The following KCNS3 variants were observed in gnomAD, a reference collection of about 807,000 sequenced individuals.
KCNS3 encodes delayed-rectifier potassium channel regulatory subunit KCNS3.
KCNS3 carries 13 observed loss-of-function variants against 31.0 expected under a neutral mutation model. That is an observed-to-expected ratio of 0.42 (90% CI 0.27 to 0.67). KCNS3 has a LOEUF of 0.67. Among genes scored for constraint, KCNS3 ranks in the 30% least tolerant of loss-of-function variants. The probability of loss-of-function intolerance (pLI) is 0.25; values close to 1 mark genes in which losing one functional copy is unlikely to be tolerated. For synonymous variants in KCNS3, 238 were observed against 241.5 expected, an observed-to-expected ratio of 0.99 and a Z score of 0.13; for missense variants, 545 against 622.4, an observed-to-expected ratio of 0.88 and a Z score of 1.32.
chr2:17,924,067 G>A (rs1662781094), intron 2 of KCNS3, among the ~76,000 whole-genome samples: 1 of 151,424 alleles, frequency 6.6e-6, no homozygotes, highest in Admixed American at 6.6e-5. Flanking sequence ...TCATTTTACA[G>A]GTTTATGCCA....
At chr2:17,921,799 G>T (rs1662710894) in intron 2 of KCNS3, among the ~76,000 whole-genome samples, 1 of 150,914 alleles carries the variant, frequency 6.6e-6, no homozygotes, top group African/African-American at 2.4e-5. Flanking sequence ...CTCCCACCAG[G>T]CCCCTCCCCT....
chr2:17,926,549 C>T (rs1317530261), intron 2 of KCNS3, among the ~76,000 whole-genome samples: 2 of 152,242 alleles, frequency 1.3e-5, no homozygotes, highest in Non-Finnish European at 2.9e-5. Flanking sequence ...TCCCAAACCT[C>T]AGTTCTTCTG....
chr2:17,889,100 C>A (rs577330154), intron 1 of KCNS3, among the ~76,000 whole-genome samples: 6 of 152,150 alleles, frequency 3.9e-5, no homozygotes, highest in African/African-American at 1.4e-4. Context: ...TCTATGATTC[C>A]TTTTAGCGGT....
chr2:17,904,499 A>T lies in KCNS3; in HGVS notation c.-251-13181A>T, dbSNP rs1232882937. 2.6e-5 allele frequency among the ~76,000 whole-genome samples: 4 copies of T among 151,976 alleles called. No homozygotes were observed. The South Asian group carries it at 6.2e-4, about 24-fold the overall frequency. ...TTTGTCAATTTTGGCTTTTGTTGCC[A>T]TTGCTTTTGGTGTTTTAGACATGAA... is the stretch of plus-strand genomic sequence containing the variant. On this transcript the variant is annotated intron_variant, in intron 1 of 2. Transcript: ENST00000304101.
chr2:17,917,531 A>T (rs780846026), intron 1 of KCNS3, 149 bp from the exon 2 acceptor site: 1 of 152,212 alleles, frequency 6.6e-6, no homozygotes. Flanking sequence ...CACAGGGGGA[A>T]GAGACCACCC....
intron 1 of KCNS3, among the ~76,000 whole-genome samples, chr2:17,916,730 G>A (rs1444840650): frequency 6.6e-6 from 1 of 152,118 alleles, no homozygotes; most frequent in African/African-American, 2.4e-5. Flanking sequence ...CTGGGGGCAG[G>A]CACTGCATCT....
intron 1 of KCNS3, among the ~76,000 whole-genome samples, chr2:17,896,320 T>C (rs1662026273): frequency 6.6e-6 from 1 of 152,128 alleles, no homozygotes; most frequent in Non-Finnish European, 1.5e-5. Context: ...CCTAAAGTGC[T>C]GGGATTACAG....
Position 17,931,215 on chromosome 2 carries a change from T to C in KCNS3, c.207T>C (p.Phe69=), listed in dbSNP as rs35875249. The C allele has an allele frequency of 1.8e-4, 290 of 1,614,142 alleles. No homozygotes were observed. The African/African-American group carries it at 2.2e-3, about 12-fold the overall frequency. ...DYSVADKEYY[F]DRNPSLFRYV... is the part of the protein sequence containing the mutation. ...GTGTGGCCGATAAGGAGTACTACTT[T>C]GATCGGAATCCCTCCTTGTTCAGAT... The change falls in exon 3 of 3, where the codon TTT becomes TTC. Residue 69 remains phenylalanine, a synonymous_variant. Transcript: ENST00000304101. The surrounding 1 kb of genome is among the most constrained non-coding windows in gnomAD (Gnocchi z 5.4).
At chr2:17,886,779 TCCAC>T (rs1332403529) in intron 1 of KCNS3, among the ~76,000 whole-genome samples, 1 of 151,058 alleles carries the variant, frequency 6.6e-6, no homozygotes, top group African/African-American at 2.5e-5. Flanking sequence ...CATCCATCCA[TCCAC>T]CCACCCACCT....
At chr2:17,926,127 A>T (rs1484323236) in intron 2 of KCNS3, among the ~76,000 whole-genome samples, 1 of 152,212 alleles carries the variant, frequency 6.6e-6, no homozygotes, top group African/African-American at 2.4e-5. Context: ...GGAGCCATTA[A>T]GTCTTAAAGC....
chr2:17,887,533 C>CTA (rs1558446430), intron 1 of KCNS3, among the ~76,000 whole-genome samples: 1 of 73,156 alleles, frequency 1.4e-5, no homozygotes, highest in African/African-American at 5.1e-5. Flanking sequence ...CTATCTATCT[C>CTA]TGTATCTATA....
chr2:17,897,034 G>A (rs1021806926), intron 1 of KCNS3, among the ~76,000 whole-genome samples: 1 of 151,454 alleles, frequency 6.6e-6, no homozygotes, highest in African/African-American at 2.4e-5. Context: ...TTCAACCCTT[G>A]CCCCCCTTGC....
chr2:17,904,794 G>C (rs1000131503), intron 1 of KCNS3, among the ~76,000 whole-genome samples: 6 of 152,040 alleles, frequency 3.9e-5, no homozygotes, highest in African/African-American at 1.5e-4. Flanking sequence ...ATTTCTGAGG[G>C]CTCTGTTCTG....
At chr2:17,913,620 C>A (rs2125246781) in intron 1 of KCNS3, among the ~76,000 whole-genome samples, 1 of 152,308 alleles carries the variant, frequency 6.6e-6, no homozygotes, top group South Asian at 2.1e-4. Flanking sequence ...TCTAAAAGAA[C>A]AAGTGTTGGG....
chr2:17,931,899 T>G lies in KCNS3; in HGVS notation c.891T>G (p.Ile297Met). 2 of 1,614,096 alleles carry G rather than the reference T, an allele frequency of 1.2e-6. No homozygotes were observed. The highest frequency in any genetic ancestry group is 1.7e-6 in the Non-Finnish European group (2 of 1,179,992). ...TCCAGATCCTACGGCTTATGAGGATTTTCCGAATTCTAAAGCTTGCCCGGC... is the reference window on the plus strand; with the variant it reads ...TCCAGATCCTACGGCTTATGAGGATGTTCCGAATTCTAAAGCTTGCCCGGC... ...KVVQILRLMR[I>M]FRILKLARHS... is the part of the protein sequence containing the mutation. Residue 297 changes from isoleucine (I) to methionine (M), a missense_variant, in exon 3 of 3, where the codon ATT (isoleucine) becomes ATG (methionine). Transcript: ENST00000304101. This position sits in a 1 kb window ranked among gnomAD's most constrained non-coding sequence, Gnocchi z 5.4.
At chr2:17,901,338 A>AG (rs1323576215) in intron 1 of KCNS3, among the ~76,000 whole-genome samples, 1 of 151,904 alleles carries the variant, frequency 6.6e-6, no homozygotes, top group African/African-American at 2.4e-5. Flanking sequence ...ATAGAAAAAA[A>AG]AATCGAGTTG....
chr2:17,898,306 A>G lies in KCNS3; in HGVS notation c.-251-19374A>G, dbSNP rs150923968. On this transcript the variant is annotated intron_variant, in intron 1 of 2. Coordinates refer to ENST00000304101, the MANE Select transcript of KCNS3 (RefSeq NM_002252.5). ...ATTCAGGCTCTTTTTTTGGTTCCAT[A>G]TGAATTTCAAAGTAGTTTTGTCTAA... 1.2e-3 allele frequency among the ~76,000 whole-genome samples: 174 copies of G among 143,100 alleles called. 5 individuals carry two copies. The East Asian group carries it at 0.028, about 23-fold the overall frequency. 93.9% of individuals were successfully genotyped at this position (143,100 alleles called of 152,430 possible).
chr2:17,898,713 A>G (rs896005797), intron 1 of KCNS3, among the ~76,000 whole-genome samples: 6 of 152,148 alleles, frequency 3.9e-5, no homozygotes, highest in Non-Finnish European at 8.8e-5. Flanking sequence ...CGAGGACATT[A>G]TTTTCAGAGA....
intron 1 of KCNS3, among the ~76,000 whole-genome samples, chr2:17,915,861 G>A (rs559900760): frequency 6.6e-6 from 1 of 152,266 alleles, no homozygotes; most frequent in South Asian, 2.1e-4. Context: ...GAATCATGGT[G>A]ATGGAAAATG....
Sources: allele counts gnomAD v4.1 joint callset (sites outside exome capture counted in the v4.1 genomes callset), GRCh38; gene constraint gnomAD v4.1.1; non-coding constraint Gnocchi (gnomAD v3.1); transcripts MANE v1.5; gene names NCBI Gene and HGNC (gene_info 2026-07-23, HGNC 2026-07-21).